The following SMYD3 variants were observed in gnomAD, a reference collection of about 807,000 sequenced individuals.
SMYD3 encodes the protein SET and MYND domain containing 3.
SMYD3 carries 36 observed loss-of-function variants against 57.7 expected under a neutral mutation model. The ratio of observed to expected loss-of-function variants is 0.62; its 90% CI spans 0.48 to 0.82. The LOEUF (loss-of-function observed/expected upper bound fraction) is 0.82. Ranked by LOEUF, SMYD3 falls within the 40% of genes least tolerant of loss-of-function variation. The probability of loss-of-function intolerance (pLI) is 0.00; values close to 1 mark genes in which losing one functional copy is unlikely to be tolerated. For synonymous variants in SMYD3, 211 were observed against 195.0 expected, an observed-to-expected ratio of 1.08 and a Z score of -0.68; for missense variants, 515 against 538.8, an observed-to-expected ratio of 0.96 and a Z score of 0.44.
At chr1:246,384,117 C>G (rs1487507393) in intron 1 of SMYD3, among the ~76,000 whole-genome samples, 4 of 151,968 alleles carry the variant, frequency 2.6e-5, no homozygotes, top group African/African-American at 9.7e-5. Context: ...GTATTTTCTT[C>G]TGGGTAAACT....
At chr1:246,247,029 A>T (rs1364905242) in intron 5 of SMYD3, among the ~76,000 whole-genome samples, 5 of 152,184 alleles carry the variant, frequency 3.3e-5, no homozygotes, top group Non-Finnish European at 7.3e-5. Flanking sequence ...ACTAAGACTA[A>T]ATGCTCTTTT....
chr1:245,862,036 T>C (rs1315577036), intron 9 of SMYD3, among the ~76,000 whole-genome samples: 1 of 152,132 alleles, frequency 6.6e-6, no homozygotes, highest in Admixed American at 6.6e-5. Context: ...TCTACTCCTC[T>C]GCACATAAAG....
intron 5 of SMYD3, among the ~76,000 whole-genome samples, chr1:246,212,464 G>A (rs2063105510): frequency 6.6e-6 from 1 of 152,052 alleles, no homozygotes; most frequent in South Asian, 2.1e-4. Flanking sequence ...TAAATGCATA[G>A]ATAAAATAGT....
intron 5 of SMYD3, among the ~76,000 whole-genome samples, chr1:245,951,051 A>T (rs148626591): frequency 6.6e-5 from 10 of 152,290 alleles, no homozygotes; most frequent in African/African-American, 2.4e-4. Flanking sequence ...ATCACAGGAC[A>T]TATAAGGTAA....
chr1:246,436,854 A>C (rs1262081767), intron 1 of SMYD3, among the ~76,000 whole-genome samples: 1 of 151,258 alleles, frequency 6.6e-6, no homozygotes, highest in Non-Finnish European at 1.5e-5. Flanking sequence ...CATTCAGTAG[A>C]AGGGAAAAGG....
At chr1:246,070,823 G>A (rs2148381205) in intron 5 of SMYD3, among the ~76,000 whole-genome samples, 1 of 152,334 alleles carries the variant, frequency 6.6e-6, no homozygotes, top group South Asian at 2.1e-4. Context: ...TGCCTTGTTA[G>A]ATAATGAAAC....
chr1:245,755,286 A>G (rs2045560468), intron 11 of SMYD3, among the ~76,000 whole-genome samples: 1 of 152,108 alleles, frequency 6.6e-6, no homozygotes, highest in Non-Finnish European at 1.5e-5. Flanking sequence ...GAATCTTTTT[A>G]TGTTTATTGA....
intron 5 of SMYD3, among the ~76,000 whole-genome samples, chr1:246,067,064 A>G (rs2060355185): frequency 6.6e-6 from 1 of 152,220 alleles, no homozygotes; most frequent in Non-Finnish European, 1.5e-5. Flanking sequence ...AAGAGCTGGT[A>G]GAGTCCTTTT....
At chr1:245,943,285 A>T (rs2057320467) in intron 5 of SMYD3, among the ~76,000 whole-genome samples, 1 of 151,090 alleles carries the variant, frequency 6.6e-6, no homozygotes, top group Admixed American at 6.6e-5. Flanking sequence ...AACAGACACA[A>T]TGAAAAATGA....
At chr1:246,394,804 T>C (rs920317875) in intron 1 of SMYD3, among the ~76,000 whole-genome samples, 3 of 152,056 alleles carry the variant, frequency 2.0e-5, no homozygotes, top group African/African-American at 4.8e-5. Flanking sequence ...CTATGCTTTA[T>C]GAGATAAGAG....
At chr1:246,263,103 A>G (rs1770012) in intron 5 of SMYD3, among the ~76,000 whole-genome samples, 62,186 of 151,954 alleles carry the variant, frequency 0.41, 14,163 homozygotes, top group East Asian at 0.79. Context: ...TCAAGGCACA[A>G]TGCATAGTGT....
At chr1:245,910,200 G>C (rs1225828965) in intron 8 of SMYD3, among the ~76,000 whole-genome samples, 1 of 152,020 alleles carries the variant, frequency 6.6e-6, no homozygotes, top group Non-Finnish European at 1.5e-5. Flanking sequence ...AATCCCATTT[G>C]CAACAGCTAC....
intron 5 of SMYD3, among the ~76,000 whole-genome samples, chr1:246,063,413 T>C (rs527885898): frequency 6.6e-6 from 1 of 152,294 alleles, no homozygotes; most frequent in South Asian, 2.1e-4. Flanking sequence ...AACCATAATG[T>C]TGACACAAAC....
At chr1:246,485,372 A>G (rs926947148) in intron 1 of SMYD3, among the ~76,000 whole-genome samples, 3 of 152,242 alleles carry the variant, frequency 2.0e-5, no homozygotes, top group African/African-American at 7.2e-5. Context: ...TCCTGTCTGT[A>G]CATTTTTCCA....
chr1:246,288,818 T>C (rs2064627086), intron 5 of SMYD3, among the ~76,000 whole-genome samples: 1 of 152,070 alleles, frequency 6.6e-6, no homozygotes, highest in African/African-American at 2.4e-5. Flanking sequence ...AATTATAAAA[T>C]ATTTAAAAGC....
intron 10 of SMYD3, among the ~76,000 whole-genome samples, chr1:245,826,138 T>A (rs950967153): frequency 2.6e-5 from 4 of 151,618 alleles, no homozygotes; most frequent in South Asian, 2.1e-4. Flanking sequence ...CACTGTTGTA[T>A]AACAGTCATC....
At chr1:246,447,059 CTAATT>C in intron 1 of SMYD3, among the ~76,000 whole-genome samples, 1 of 151,506 alleles carries the variant, frequency 6.6e-6, no homozygotes, top group South Asian at 2.1e-4. Flanking sequence ...GGCATCCTAT[CTAATT>C]TAATCACACC....
intron 5 of SMYD3, among the ~76,000 whole-genome samples, chr1:246,015,215 G>A (rs1032806048): frequency 2.0e-5 from 3 of 152,120 alleles, no homozygotes; most frequent in African/African-American, 4.8e-5. Context: ...ATTAACAAAC[G>A]TGTATGCTTT....
At chr1:246,147,778 C>A (rs2061875250) in intron 5 of SMYD3, among the ~76,000 whole-genome samples, 1 of 152,062 alleles carries the variant, frequency 6.6e-6, no homozygotes, top group African/African-American at 2.4e-5. Flanking sequence ...ACCTGGGCTT[C>A]GCGCTCAATC....
Sources: allele counts gnomAD v4.1 joint callset (sites outside exome capture counted in the v4.1 genomes callset), GRCh38; gene constraint gnomAD v4.1.1; transcripts MANE v1.5; gene names NCBI Gene and HGNC (gene_info 2026-07-23, HGNC 2026-07-21).